Variants in GET4 observed in about 807,000 individuals in gnomAD.
GET4 encodes Golgi to ER traffic protein 4 homolog.
Under a neutral mutation model 40.0 loss-of-function variants are expected in GET4, and 20 were observed. The observed-to-expected ratio is 0.50, with a 90% confidence interval of 0.35 to 0.73. The LOEUF (loss-of-function observed/expected upper bound fraction) is 0.73. GET4 is among the 30% of genes least tolerant of loss of function. GET4 has a pLI of 0.01. For synonymous variants in GET4, 280 were observed against 194.6 expected (o/e 1.44, Z -3.65); for missense variants, 557 against 454.0 (o/e 1.23, Z -2.06).
At chr7:886,713 G>A (rs1003429882) in intron 3 of GET4, 63 bp downstream of exon 3, 11 of 1,054,214 alleles carry the variant, frequency 1.0e-5, no homozygotes, top group Non-Finnish European at 3.0e-6. Flanking sequence ...CCCTCCCCGG[G>A]TCTCTGCGCT....
intron 1 of GET4, chr7:884,059 A>T: frequency 8.5e-7 from 1 of 1,179,574 alleles, no homozygotes; most frequent in African/African-American, 1.6e-5. Flanking sequence ...CTCGTGCAGG[A>T]ATATGGGTCA....
chr7:892,982 T>TG (rs1327545176), intron 6 of GET4, among the ~76,000 whole-genome samples: 5 of 150,346 alleles, frequency 3.3e-5, no homozygotes, highest in Non-Finnish European at 5.9e-5. Flanking sequence ...TGTTTGCAGG[T>TG]AAGTGTTGGG....
intron 2 of GET4, 99 bp downstream of exon 2, chr7:886,233 G>T: frequency 1.3e-6 from 1 of 794,800 alleles, no homozygotes; most frequent in Non-Finnish European, 2.2e-6. Flanking sequence ...ACCTTGCGCT[G>T]CCCTGGGCCT....
At chr7:886,441 T>C in intron 2 of GET4, 128 bp from the exon 3 acceptor site, 1 of 701,068 alleles carries the variant, frequency 1.4e-6, no homozygotes, top group Non-Finnish European at 2.6e-6. Context: ...CCAAGGGACG[T>C]GGTGCTCAGA....
At chr7:877,144 G>T (rs1843973331) in intron 1 of GET4, among the ~76,000 whole-genome samples, 3 of 147,304 alleles carry the variant, frequency 2.0e-5, no homozygotes, top group Admixed American at 2.0e-4. Flanking sequence ...GCCGCCTCCC[G>T]CCTCGTCCTT....
At position 892,252 on chromosome 7, in the gene GET4, C is replaced by T. The variant is rs201075537; in HGVS notation, c.606-26C>T. ...CAGAAGCTGTGTCCTCCAGCCCTTCCACCACCAGCATGTTCTCATTTCCAG... is the reference window on the plus strand; with the variant it reads ...CAGAAGCTGTGTCCTCCAGCCCTTCTACCACCAGCATGTTCTCATTTCCAG... On this transcript the variant is annotated intron_variant, in intron 5 of 8. Transcript: ENST00000265857. 7.0e-6 allele frequency: 11 copies of T among 1,582,522 alleles called. No individual in the cohort carries two copies. In the Middle Eastern group the frequency reaches 5.0e-4, roughly 72 times the overall value.
intron 8 of GET4, among the ~76,000 whole-genome samples, chr7:895,094 A>C (rs1844446978): frequency 7.0e-6 from 1 of 143,528 alleles, no homozygotes; most frequent in African/African-American, 2.6e-5. Flanking sequence ...TGGACGTGGG[A>C]GGGCCGTTCT....
intron 4 of GET4, among the ~76,000 whole-genome samples, chr7:887,837 G>A (rs1044516791): frequency 3.3e-5 from 5 of 152,228 alleles, no homozygotes; most frequent in African/African-American, 9.6e-5. Context: ...TCTTTCCAGC[G>A]CTGGGATGGT....
At chr7:882,209 G>T (rs542709515) in intron 1 of GET4, 1 of 152,202 alleles carries the variant, frequency 6.6e-6, no homozygotes, top group Non-Finnish European at 1.5e-5. Context: ...TTGCTGGGTC[G>T]AACGGTAGTT....
intron 8 of GET4, among the ~76,000 whole-genome samples, chr7:894,177 C>G (rs11977689): frequency 2.0e-5 from 3 of 152,206 alleles, no homozygotes; most frequent in Admixed American, 6.5e-5. Context: ...CCCGTCTCCA[C>G]TCCAGAGCTC....
intron 4 of GET4, among the ~76,000 whole-genome samples, chr7:888,394 G>A (rs201848696): frequency 6.6e-6 from 1 of 152,196 alleles, no homozygotes; most frequent in Non-Finnish European, 1.5e-5. Context: ...TCCGACCTCC[G>A]ACCTTGTTCC....
rs756095483 is a variant in GET4 at position 892,287 on chromosome 7, T to C, written c.615T>C (p.Cys205=). The C allele has an allele frequency of 5.7e-6, 9 of 1,587,866 alleles. No individual in the cohort carries two copies. In the South Asian group the frequency reaches 6.6e-5, roughly 12 times the overall value. ...FVAQAVLQFL[C]LKNKSSASVV... ...ATGTTCTCATTTCCAGGTTTCTCTG[T>C]TTAAAAAACAAAAGTAGCGCATCGG... is the stretch of plus-strand genomic sequence containing the variant. The change falls in exon 6 of 9, where the codon TGT becomes TGC. Residue 205 remains cysteine, a synonymous_variant. Transcript: ENST00000265857.
chr7:890,914 T>A lies in GET4; in HGVS notation c.467-14T>A, dbSNP rs746136834. On this transcript the variant is annotated splice_polypyrimidine_tract_variant and intron_variant, in intron 4 of 8. Coordinates refer to ENST00000265857, the MANE Select transcript of GET4 (RefSeq NM_015949.3). Reference sequence around the variant, plus strand: ...CGTGAAATGTATTTACATTTTTCTGTCTTTCCTTTGCAGAACAAAACTATT... The same window carrying A: ...CGTGAAATGTATTTACATTTTTCTGACTTTCCTTTGCAGAACAAAACTATT... 6.3e-7 allele frequency: 1 copy of A among 1,583,148 alleles called. No individual in the cohort carries two copies. The highest frequency in any genetic ancestry group is 1.1e-5 in the South Asian group (1 of 90,456).
chr7:877,031 C>G (rs1269178005), intron 1 of GET4, among the ~76,000 whole-genome samples: 1 of 151,498 alleles, frequency 6.6e-6, no homozygotes, highest in African/African-American at 2.4e-5. Flanking sequence ...GCCTCGGCTT[C>G]CTTCCCCTCT....
chr7:883,934 CT>C, intron 1 of GET4: 5 of 1,065,098 alleles, frequency 4.7e-6, no homozygotes, highest in South Asian at 5.4e-5. Flanking sequence ...TCCTCCCGTC[CT>C]TTTTCCCCTT....
chr7:888,590 C>T (rs1033627069), intron 4 of GET4, among the ~76,000 whole-genome samples: 1 of 152,242 alleles, frequency 6.6e-6, no homozygotes, highest in Non-Finnish European at 1.5e-5. Context: ...TGGCGGGGCA[C>T]CCACAGGGAG....
intron 1 of GET4, chr7:885,310 T>G (rs1322692444): frequency 6.6e-6 from 1 of 152,264 alleles, no homozygotes. Context: ...CCTCCTGCCC[T>G]CCACGCCTGC....
At chr7:894,233 G>A (rs771594563) in intron 8 of GET4, among the ~76,000 whole-genome samples, 2 of 151,964 alleles carry the variant, frequency 1.3e-5, no homozygotes, top group African/African-American at 2.4e-5. Flanking sequence ...ATCACATCAC[G>A]TGGCTGGCTG....
chr7:886,488 C>A, intron 2 of GET4, 81 bp from the exon 3 acceptor site: 1 of 1,058,440 alleles, frequency 9.4e-7, no homozygotes, highest in Non-Finnish European at 1.5e-6. Context: ...CTGGCTTCTG[C>A]TGGAAACCCA....
Sources: gnomAD v4.1 joint callset for allele counts (sites outside exome capture counted in the v4.1 genomes callset) on GRCh38, gnomAD v4.1.1 for gene constraint, MANE v1.5 for transcripts, NCBI Gene and HGNC (gene_info 2026-07-23, HGNC 2026-07-21) for gene names.